Variants in DSCAM observed in about 807,000 individuals in gnomAD.
The protein encoded by DSCAM is DS cell adhesion molecule.
Under a neutral mutation model 217.7 loss-of-function variants are expected in DSCAM, and 47 were observed. The observed-to-expected ratio is 0.22, with a 90% CI of 0.17 to 0.28. DSCAM has a LOEUF of 0.28. Among genes scored for constraint, DSCAM ranks in the 10% least tolerant of loss-of-function variants. The probability of loss-of-function intolerance (pLI) is 1.00; values close to 1 mark genes in which losing one functional copy is unlikely to be tolerated. For synonymous variants in DSCAM, 1,056 were observed against 1,015.3 expected (o/e 1.04, Z -0.76); for missense variants, 2,080 against 2,618.3 (o/e 0.79, Z 4.49).
intron 1 of DSCAM, among the ~76,000 whole-genome samples, chr21:40,845,816 A>T (rs2092140400): frequency 6.6e-6 from 1 of 152,186 alleles, no homozygotes; most frequent in African/African-American, 2.4e-5. Context: ...GTAAGTTCAT[A>T]TTTATGCGGT....
At chr21:40,046,809 C>G (rs1601266353) in intron 30 of DSCAM, among the ~76,000 whole-genome samples, 1 of 152,068 alleles carries the variant, frequency 6.6e-6, no homozygotes, top group South Asian at 2.1e-4. Context: ...AGTCCCACTT[C>G]AAGGATACAG....
At chr21:40,045,061 A>C (rs1601263697) in intron 30 of DSCAM, among the ~76,000 whole-genome samples, 1 of 152,250 alleles carries the variant, frequency 6.6e-6, no homozygotes, top group African/African-American at 2.4e-5. Context: ...ACACAGACAC[A>C]GGAGGGGAGA....
At chr21:40,064,178 C>T (rs2146522840) in intron 27 of DSCAM, among the ~76,000 whole-genome samples, 1 of 151,796 alleles carries the variant, frequency 6.6e-6, no homozygotes, top group South Asian at 2.1e-4. Flanking sequence ...TACATACACA[C>T]ACACACATAT....
chr21:40,294,959 G>T (rs540196386), intron 10 of DSCAM, among the ~76,000 whole-genome samples: 4 of 152,276 alleles, frequency 2.6e-5, no homozygotes, highest in African/African-American at 9.6e-5. Flanking sequence ...ACAGTGTCTA[G>T]CAACCTTCCC....
chr21:40,334,486 T>C (rs951640879), intron 8 of DSCAM, among the ~76,000 whole-genome samples: 2 of 152,096 alleles, frequency 1.3e-5, no homozygotes, highest in Non-Finnish European at 2.9e-5. Flanking sequence ...TCGAAATAGA[T>C]CCGGAGTCTG....
intron 32 of DSCAM, among the ~76,000 whole-genome samples, chr21:40,021,576 T>A (rs1184663867): frequency 6.6e-6 from 1 of 152,234 alleles, no homozygotes; most frequent in East Asian, 1.9e-4. Context: ...CTGCTTTGAC[T>A]TCCGCCTTGA....
At chr21:40,161,573 C>G (rs1457872341) in intron 16 of DSCAM, among the ~76,000 whole-genome samples, 3 of 152,154 alleles carry the variant, frequency 2.0e-5, no homozygotes, top group Non-Finnish European at 2.9e-5. Context: ...AACCTAGAGT[C>G]TAGTCCACCT....
At chr21:40,635,562 CGTGGGCAGGTGT>C (rs1215573765) in intron 3 of DSCAM, among the ~76,000 whole-genome samples, 1 of 152,042 alleles carries the variant, frequency 6.6e-6, no homozygotes, top group Admixed American at 6.6e-5. Flanking sequence ...CCGGTGTGTG[CGTGGGCAGGTGT>C]GTGTGCATGT....
chr21:40,039,524 C>T (rs1238661926), intron 32 of DSCAM, among the ~76,000 whole-genome samples: 2 of 151,734 alleles, frequency 1.3e-5, no homozygotes, highest in African/African-American at 4.8e-5. Flanking sequence ...CACAGTCTGG[C>T]CATATATGTG....
chr21:40,432,310 G>T (rs1051887270), intron 3 of DSCAM, among the ~76,000 whole-genome samples: 1 of 152,176 alleles, frequency 6.6e-6, no homozygotes, highest in Non-Finnish European at 1.5e-5. Flanking sequence ...AGAGGCTTCA[G>T]TGGAGAATCT....
At chr21:40,376,496 T>G (rs62223804) in intron 3 of DSCAM, among the ~76,000 whole-genome samples, 2,498 of 109,596 alleles carry the variant, frequency 0.023, 147 homozygotes, top group African/African-American at 0.042. Context: ...TATAGATATC[T>G]ATATATCTTA....
Position 40,369,409 on chromosome 21 carries a change from T to TGTGC in DSCAM, c.509-165_509-164insGCAC, listed in dbSNP as rs1601592817. On this transcript the variant is annotated intron_variant, in intron 3 of 32. Transcript: ENST00000400454. ...GCGTGTGTGTGTGTGTGTGTGTGTG[T>TGTGC]GTGTGTGTGTGTCAATTAAGGGTCC... 5 of 576,882 alleles carry TGTGC rather than the reference T, an allele frequency of 8.7e-6. No individual in the cohort carries two copies. The East Asian group carries it at 1.2e-4, about 14-fold the overall frequency. 35.7% of individuals were successfully genotyped at this position (576,882 alleles called of 1,614,324 possible). A position where few individuals can be genotyped will look rare whatever the true frequency, so the allele number is the denominator to read the frequency against.
chr21:40,119,782 G>T (rs1011745924), intron 20 of DSCAM, among the ~76,000 whole-genome samples: 1 of 151,980 alleles, frequency 6.6e-6, no homozygotes, highest in Non-Finnish European at 1.5e-5. Flanking sequence ...GAGGAACGAC[G>T]TTTTAATACA....
chr21:40,774,228 G>A lies in DSCAM; in HGVS notation c.44-65457C>T, dbSNP rs1601243256. On this transcript the variant is annotated intron_variant, in intron 1 of 32. Coordinates refer to ENST00000400454, the MANE Select transcript of DSCAM (RefSeq NM_001389.5). ...GAGATTTTAATAAAAGATGTAGAGTGAAAGAGCATAGAAGTGATAGAGGGG... is the reference window on the plus strand; with the variant it reads ...GAGATTTTAATAAAAGATGTAGAGTAAAAGAGCATAGAAGTGATAGAGGGG... Among the ~76,000 whole-genome samples the A allele has an allele frequency of 2.0e-5, 3 of 152,242 alleles. No homozygotes were observed. The East Asian group carries it at 5.8e-4, about 29-fold the overall frequency.
chr21:40,486,415 C>G (rs2076028911), intron 3 of DSCAM, among the ~76,000 whole-genome samples: 1 of 151,058 alleles, frequency 6.6e-6, no homozygotes, highest in South Asian at 2.1e-4. Context: ...TATTTACTCA[C>G]CAATAAATGT....
At chr21:40,120,381 A>G (rs770675391) in intron 20 of DSCAM, among the ~76,000 whole-genome samples, 16 of 152,230 alleles carry the variant, frequency 1.1e-4, no homozygotes, top group Non-Finnish European at 2.2e-4. Context: ...CAATGTCTAT[A>G]TCATAATGCT....
intron 3 of DSCAM, among the ~76,000 whole-genome samples, chr21:40,385,959 GCA>G (rs2075081008): frequency 1.3e-5 from 2 of 152,184 alleles, no homozygotes; most frequent in South Asian, 2.1e-4. Context: ...GTGCTTTCAA[GCA>G]CAGTCACTTT....
At chr21:40,325,431 G>GA (rs2074307138) in intron 8 of DSCAM, among the ~76,000 whole-genome samples, 1 of 151,994 alleles carries the variant, frequency 6.6e-6, no homozygotes, top group Admixed American at 6.6e-5. Flanking sequence ...AACAAATACA[G>GA]AAAAAAATAG....
chr21:40,571,581 A>G (rs1210649299), intron 3 of DSCAM, among the ~76,000 whole-genome samples: 1 of 152,246 alleles, frequency 6.6e-6, no homozygotes, highest in Non-Finnish European at 1.5e-5. Flanking sequence ...TAGAAGCTCA[A>G]ATCTGCAGGA....
Sources: gnomAD v4.1 joint callset for allele counts (sites outside exome capture counted in the v4.1 genomes callset) on GRCh38, gnomAD v4.1.1 for gene constraint, MANE v1.5 for transcripts, NCBI Gene and HGNC (gene_info 2026-07-23, HGNC 2026-07-21) for gene names.